The following RARB variants were observed in gnomAD, a reference collection of about 807,000 sequenced individuals.
The protein encoded by RARB is HBV-activated protein.
RARB carries 17 observed loss-of-function variants against 51.9 expected under a neutral mutation model. The ratio of observed to expected loss-of-function variants is 0.33; its 90% CI spans 0.22 to 0.49. The LOEUF is 0.49. Among genes scored for constraint, RARB ranks in the 20% least tolerant of loss-of-function variants. RARB has a pLI of 0.99. For synonymous variants in RARB, 215 were observed against 195.4 expected, an observed-to-expected ratio of 1.10 and a Z score of -0.84; for missense variants, 369 against 550.8, an observed-to-expected ratio of 0.67 and a Z score of 3.30.
intron 4 of RARB, among the ~76,000 whole-genome samples, chr3:25,147,650 C>T (rs923964985): frequency 6.6e-6 from 1 of 152,040 alleles, no homozygotes; most frequent in African/African-American, 2.4e-5. Flanking sequence ...TATATAAGAC[C>T]TGACATTTGT....
intron 5 of RARB, among the ~76,000 whole-genome samples, chr3:25,276,077 T>C (rs914168322): frequency 6.6e-6 from 1 of 152,226 alleles, no homozygotes; most frequent in African/African-American, 2.4e-5. Flanking sequence ...ATGAGGTTTA[T>C]AATGTGATGT....
At chr3:25,193,943 T>C (rs760829900) in intron 5 of RARB, among the ~76,000 whole-genome samples, 21 of 151,976 alleles carry the variant, frequency 1.4e-4, no homozygotes, top group Non-Finnish European at 2.9e-4. Flanking sequence ...CTACACAATT[T>C]AGATGAAAAC....
chr3:25,162,854 G>A (rs1700494630), intron 4 of RARB, among the ~76,000 whole-genome samples: 1 of 152,146 alleles, frequency 6.6e-6, no homozygotes, highest in South Asian at 2.1e-4. Flanking sequence ...TCACTTTATG[G>A]ATGTTGTGAA....
At chr3:25,268,738 G>T (rs1703183930) in intron 5 of RARB, among the ~76,000 whole-genome samples, 1 of 152,110 alleles carries the variant, frequency 6.6e-6, no homozygotes, top group South Asian at 2.1e-4. Context: ...CTCAAACATT[G>T]TCTCATTATA....
At position 24,858,534 on chromosome 3, in the gene RARB, C is replaced by T. The variant is rs79827652; in HGVS notation, c.-458-140C>T. ...ATTTAGCAAAAGAACTTGGTAGTCTCCTCATTTCAAGACGGTTAACTATGT... is the reference window on the plus strand; with the variant it reads ...ATTTAGCAAAAGAACTTGGTAGTCTTCTCATTTCAAGACGGTTAACTATGT... On this transcript the variant is annotated intron_variant, in intron 1 of 11. Coordinates refer to the RARB transcript ENST00000383772. The T allele has an allele frequency of 7.2e-5, 11 of 152,258 alleles. No individual in the cohort carries two copies. In the East Asian group the frequency reaches 1.5e-3, roughly 21 times the overall value. The allele number at this position is 152,258 out of a possible 1,614,324, so 9.4% of individuals were successfully genotyped here.
At chr3:25,383,930 C>CA (rs11401651) in intron 5 of RARB, among the ~76,000 whole-genome samples, 70,412 of 128,300 alleles carry the variant, frequency 0.55, 17,381 homozygotes, top group East Asian at 0.68. Context: ...GACTTTGTCT[C>CA]AAAAAAAAAA....
At chr3:25,028,875 C>T (rs1697808519) in intron 2 of RARB, among the ~76,000 whole-genome samples, 6 of 152,190 alleles carry the variant, frequency 3.9e-5, no homozygotes, top group Admixed American at 6.5e-5. Context: ...CTGGGGCTCT[C>T]GTGAATTTAC....
At chr3:25,259,949 G>T (rs1244897164) in intron 5 of RARB, 2 of 985,178 alleles carry the variant, frequency 2.0e-6, no homozygotes, top group Non-Finnish European at 2.4e-6. Context: ...TGGAGGGGAG[G>T]GGGGCAGTCA....
At chr3:25,010,065 C>T (rs4564927) in intron 2 of RARB, among the ~76,000 whole-genome samples, 33,472 of 152,020 alleles carry the variant, frequency 0.22, 4,612 homozygotes, top group Admixed American at 0.36. Context: ...AACCTTAGTT[C>T]AGGTAAAGTT....
intron 2 of RARB, among the ~76,000 whole-genome samples, chr3:25,047,979 T>C (rs530672786): frequency 6.6e-6 from 1 of 152,180 alleles, no homozygotes; most frequent in African/African-American, 2.4e-5. Flanking sequence ...TCTCATGAGA[T>C]CTGATGGTTT....
chr3:25,092,825 G>T (rs188650278), intron 3 of RARB, among the ~76,000 whole-genome samples: 1 of 152,134 alleles, frequency 6.6e-6, no homozygotes, highest in South Asian at 2.1e-4. Flanking sequence ...AAGGGAGAAT[G>T]ATGCACTGGT....
intron 5 of RARB, among the ~76,000 whole-genome samples, chr3:25,277,989 G>A (rs903932116): frequency 3.3e-5 from 5 of 152,088 alleles, no homozygotes; most frequent in Admixed American, 3.3e-4. Context: ...TCTTTCATTC[G>A]ATGTAATGTT....
intron 5 of RARB, among the ~76,000 whole-genome samples, chr3:25,330,183 C>T (rs565081781): frequency 1.1e-4 from 17 of 152,134 alleles, no homozygotes; most frequent in South Asian, 4.2e-4. Context: ...AGATACTCCC[C>T]GAGAAGAGCA....
intron 5 of RARB, among the ~76,000 whole-genome samples, chr3:25,288,279 T>C (rs958560264): frequency 1.3e-5 from 2 of 152,040 alleles, no homozygotes; most frequent in East Asian, 3.9e-4. Flanking sequence ...ATATTAAAAA[T>C]AAAAACAGCA....
intron 2 of RARB, among the ~76,000 whole-genome samples, chr3:25,055,456 T>C (rs1471999036): frequency 1.3e-5 from 2 of 152,138 alleles, no homozygotes; most frequent in Admixed American, 1.3e-4. Flanking sequence ...TATACAGAGA[T>C]GGTACATATA....
At chr3:25,521,135 C>T (rs1410569430) in intron 3 of RARB, among the ~76,000 whole-genome samples, 1 of 152,166 alleles carries the variant, frequency 6.6e-6, no homozygotes, top group African/African-American at 2.4e-5. Context: ...CCCCATCAGG[C>T]AAGGAAAGGG....
chr3:24,881,778 G>A (rs1288764427), intron 2 of RARB, among the ~76,000 whole-genome samples: 1 of 152,132 alleles, frequency 6.6e-6, no homozygotes, highest in East Asian at 1.9e-4. Context: ...CCTGTGCAGA[G>A]TGGAGGAAAA....
intron 1 of RARB, among the ~76,000 whole-genome samples, chr3:24,839,617 G>A (rs1252183118): frequency 6.7e-6 from 1 of 150,004 alleles, no homozygotes; most frequent in Non-Finnish European, 1.5e-5. Context: ...CTGAGGTGGG[G>A]GGATCTCTTG....
chr3:25,338,640 A>G (rs930998248), intron 5 of RARB, among the ~76,000 whole-genome samples: 2 of 152,202 alleles, frequency 1.3e-5, no homozygotes, highest in Non-Finnish European at 2.9e-5. Flanking sequence ...ACTCATCTGC[A>G]CAAGCTTCTG....
Sources: allele counts gnomAD v4.1 joint callset (sites outside exome capture counted in the v4.1 genomes callset), GRCh38; gene constraint gnomAD v4.1.1; transcripts MANE v1.5; gene names NCBI Gene and HGNC (gene_info 2026-07-23, HGNC 2026-07-21).